Variants in TUSC3 observed in about 807,000 individuals in gnomAD.
TUSC3 encodes tumor suppressor candidate 3.
In TUSC3, 45 loss-of-function variants were observed where a neutral mutation model predicts 44.8. That is an observed-to-expected ratio of 1.00 (90% confidence interval 0.79 to 1.29). TUSC3 has a LOEUF of 1.29. TUSC3 is among the 50% of genes most tolerant of loss of function. TUSC3 has a pLI of 0.00. For missense variants in TUSC3, 519 were observed against 437.9 expected (o/e 1.19, Z -1.65); for synonymous variants, 212 against 152.9 (o/e 1.39, Z -2.85).
At chr8:15,548,701 A>C (rs191200957) in intron 1 of TUSC3, among the ~76,000 whole-genome samples, 1 of 152,050 alleles carries the variant, frequency 6.6e-6, no homozygotes, top group African/African-American at 2.4e-5. Context: ...TGTATCTAAA[A>C]TCATTCTACT....
intron 2 of TUSC3, among the ~76,000 whole-genome samples, chr8:15,507,773 A>AGG (rs1801076974): frequency 2.1e-5 from 2 of 95,654 alleles, no homozygotes; most frequent in Admixed American, 2.4e-4. Context: ...ACTTGGGAAA[A>AGG]GAGAGAGAGA....
chr8:15,570,539 T>A (rs1802835568), intron 1 of TUSC3, among the ~76,000 whole-genome samples: 1 of 152,184 alleles, frequency 6.6e-6, no homozygotes. Flanking sequence ...TGGATTTAAT[T>A]AAGCGGATGC....
chr8:15,535,154 AAATAG>A (rs1801504737), intron 2 of TUSC3, among the ~76,000 whole-genome samples: 1 of 152,244 alleles, frequency 6.6e-6, no homozygotes, highest in South Asian at 2.1e-4. Flanking sequence ...ATATTCAAAT[AAATAG>A]AATGATATAT....
intron 1 of TUSC3, among the ~76,000 whole-genome samples, chr8:15,424,724 C>G (rs778407248): frequency 1.3e-5 from 2 of 151,960 alleles, no homozygotes; most frequent in African/African-American, 4.8e-5. Context: ...ACTAAAAATA[C>G]AAAAAATTAG....
chr8:15,555,539 C>T (rs140843588), intron 1 of TUSC3, among the ~76,000 whole-genome samples: 13,091 of 151,192 alleles, frequency 0.087, 952 homozygotes, highest in South Asian at 0.28. Flanking sequence ...AAGTGATCCC[C>T]CTGCCTTGGC....
intron 6 of TUSC3, among the ~76,000 whole-genome samples, chr8:15,689,932 A>G (rs1808826116): frequency 6.7e-6 from 1 of 149,528 alleles, no homozygotes. Context: ...ATTTAGGTTA[A>G]TTCCATTTCT....
intron 6 of TUSC3, among the ~76,000 whole-genome samples, chr8:15,725,011 A>G (rs1423205942): frequency 3.9e-5 from 6 of 152,224 alleles, no homozygotes; most frequent in Admixed American, 6.5e-5. Context: ...TCATTTGGGT[A>G]TCATCCAACA....
chr8:15,827,171 G>A, the TUSC3 span, among the ~76,000 whole-genome samples: 17,152 of 152,134 alleles, frequency 0.11, 1,061 homozygotes, highest in East Asian at 0.25. Context: ...ATGATCCTAC[G>A]TAACTGATGG....
At chr8:15,808,769 G>C in the TUSC3 span, among the ~76,000 whole-genome samples, 5 of 152,110 alleles carry the variant, frequency 3.3e-5, no homozygotes, top group African/African-American at 1.2e-4. Context: ...TGCCACCCTA[G>C]AAATTCTGCC....
At chr8:15,585,507 T>G (rs1370802985) in intron 1 of TUSC3, among the ~76,000 whole-genome samples, 1 of 152,164 alleles carries the variant, frequency 6.6e-6, no homozygotes, top group Admixed American at 6.5e-5. Context: ...TGTGTTTTTT[T>G]ACAGTTGAAT....
chr8:15,676,171 C>T (rs907119245), intron 6 of TUSC3, among the ~76,000 whole-genome samples: 1 of 152,054 alleles, frequency 6.6e-6, no homozygotes, highest in Non-Finnish European at 1.5e-5. Context: ...ATTTGCATTT[C>T]TCTGATGATT....
At chr8:15,792,924 CTATTTCTGCAAAGCCCCAA>C in the TUSC3 span, among the ~76,000 whole-genome samples, 3 of 151,938 alleles carry the variant, frequency 2.0e-5, no homozygotes. Context: ...CGACCACCTA[CTATTTCTGCAAAGCCCCAA>C]TATCTCCTTT....
At chr8:15,642,755 A>G (rs1172045777) in intron 2 of TUSC3, among the ~76,000 whole-genome samples, 1 of 152,304 alleles carries the variant, frequency 6.6e-6, no homozygotes, top group South Asian at 2.1e-4. Flanking sequence ...GCATGTTATC[A>G]TAAACAAGGT....
the TUSC3 span, among the ~76,000 whole-genome samples, chr8:15,852,010 C>T: frequency 2.6e-5 from 4 of 152,062 alleles, no homozygotes; most frequent in South Asian, 4.1e-4. Flanking sequence ...TGAGATGTGC[C>T]TTTTGCCTTC....
intron 1 of TUSC3, among the ~76,000 whole-genome samples, chr8:15,589,655 TA>T (rs1456887812): frequency 6.6e-6 from 1 of 152,184 alleles, no homozygotes; most frequent in Non-Finnish European, 1.5e-5. Context: ...ATTAGGTTCT[TA>T]AAGTTTTTAA....
At chr8:15,626,259 G>C (rs1411141357) in intron 2 of TUSC3, among the ~76,000 whole-genome samples, 1 of 152,198 alleles carries the variant, frequency 6.6e-6, no homozygotes, top group Non-Finnish European at 1.5e-5. Flanking sequence ...GGAATAGGGA[G>C]AAGCCAGACA....
chr8:15,760,842 CT>C (rs1328603026), intron 10 of TUSC3, among the ~76,000 whole-genome samples: 1 of 152,172 alleles, frequency 6.6e-6, no homozygotes, highest in Non-Finnish European at 1.5e-5. Flanking sequence ...TGTTCCCATA[CT>C]TTCATACCTT....
At chr8:15,831,485 T>C in the TUSC3 span, among the ~76,000 whole-genome samples, 3 of 151,764 alleles carry the variant, frequency 2.0e-5, no homozygotes, top group South Asian at 2.1e-4. Flanking sequence ...AACCAGAATA[T>C]GGATAGAAAA....
intron 6 of TUSC3, among the ~76,000 whole-genome samples, chr8:15,682,734 A>G (rs1808475400): frequency 6.6e-6 from 1 of 150,836 alleles, no homozygotes; most frequent in Non-Finnish European, 1.5e-5. Context: ...CTTGCTTTAT[A>G]GAGTCTCTGG....
Sources: allele counts gnomAD v4.1 joint callset (sites outside exome capture counted in the v4.1 genomes callset), GRCh38; gene constraint gnomAD v4.1.1; transcripts MANE v1.5; gene names NCBI Gene and HGNC (gene_info 2026-07-23, HGNC 2026-07-21).